The following SHANK2 variants were observed in gnomAD, a reference collection of about 807,000 sequenced individuals.
The protein encoded by SHANK2 is SH3 and multiple ankyrin repeat domains 2, also known as SH3 and multiple ankyrin repeat domains protein 2.
Under a neutral mutation model 133.7 loss-of-function variants are expected in SHANK2, and 43 were observed. The observed-to-expected ratio is 0.32, with a 90% confidence interval of 0.25 to 0.41. The LOEUF (loss-of-function observed/expected upper bound fraction) is 0.41, where lower values mean the gene tolerates loss of function less well. SHANK2 is among the 10% of genes least tolerant of loss of function. SHANK2 has a pLI of 1.00. For synonymous variants in SHANK2, 1,017 were observed against 952.8 expected (o/e 1.07, Z -1.24); for missense variants, 1,994 against 2,235.8 (o/e 0.89, Z 2.18).
chr11:70,903,855 TGC>T (rs1555077373), intron 10 of SHANK2, among the ~76,000 whole-genome samples: 1 of 152,148 alleles, frequency 6.6e-6, no homozygotes, highest in Non-Finnish European at 1.5e-5. Flanking sequence ...CTGGTGAAAA[TGC>T]CACCTGCACA....
intron 10 of SHANK2, among the ~76,000 whole-genome samples, chr11:70,913,602 C>A (rs1268479590): frequency 6.6e-6 from 1 of 152,156 alleles, no homozygotes; most frequent in Non-Finnish European, 1.5e-5. Flanking sequence ...TTTTTAAGAT[C>A]CTTGCAAATA....
At chr11:70,800,274 C>G (rs1555050215) in intron 13 of SHANK2, among the ~76,000 whole-genome samples, 1 of 152,218 alleles carries the variant, frequency 6.6e-6, no homozygotes, top group East Asian at 1.9e-4. Context: ...AATCACCTGC[C>G]TCCACCTCCC....
chr11:71,241,094 C>T (rs1204241044), intron 1 of SHANK2, among the ~76,000 whole-genome samples: 4 of 152,174 alleles, frequency 2.6e-5, no homozygotes, highest in African/African-American at 7.2e-5. Flanking sequence ...TTTGAGAACA[C>T]TGGTGAAAGC....
intron 14 of SHANK2, among the ~76,000 whole-genome samples, chr11:70,798,145 C>A (rs1555049567): frequency 6.6e-6 from 1 of 152,172 alleles, no homozygotes; most frequent in Non-Finnish European, 1.5e-5. Context: ...GAAATCTAAT[C>A]AACCCCCAAA....
At chr11:70,798,129 G>A (rs371790330) in intron 14 of SHANK2, among the ~76,000 whole-genome samples, 6 of 152,076 alleles carry the variant, frequency 3.9e-5, no homozygotes, top group Admixed American at 1.3e-4. Flanking sequence ...AGAAGAGATC[G>A]AAAAAGAAAT....
chr11:70,751,451 CA>C (rs1426502869), intron 14 of SHANK2, among the ~76,000 whole-genome samples: 3 of 152,126 alleles, frequency 2.0e-5, no homozygotes, highest in Non-Finnish European at 4.4e-5. Context: ...TAAATCAAGA[CA>C]TTTTTAGATG....
rs1555084680 is a variant in SHANK2, at chr11:70,943,092, G to T, written c.1108-46525C>A. 3 of 456,806 alleles carry T rather than the reference G, an allele frequency of 6.6e-6. No individual in the cohort carries two copies. The Admixed American group carries it at 7.0e-5, about 11-fold the overall frequency. 28.3% of individuals were successfully genotyped at this position (456,806 alleles called of 1,614,324 possible). ...AGAGGAAGCACTTCGGCTCTGAGGGGTGGGAAGGAGTTCACCTGGCAAAGG... is the reference window on the plus strand; with the variant it reads ...AGAGGAAGCACTTCGGCTCTGAGGGTTGGGAAGGAGTTCACCTGGCAAAGG... On this transcript the variant is annotated intron_variant, in intron 10 of 25. Coordinates refer to ENST00000601538, the MANE Select transcript of SHANK2 (RefSeq NM_012309.5).
At chr11:71,168,381 T>C (rs1953230773) in intron 2 of SHANK2, among the ~76,000 whole-genome samples, 1 of 121,684 alleles carries the variant, frequency 8.2e-6, no homozygotes, top group Admixed American at 8.1e-5. Flanking sequence ...TCCCAGACGA[T>C]GGGCGGCCGG....
At chr11:70,578,586 C>G (rs1282014589) in intron 17 of SHANK2, among the ~76,000 whole-genome samples, 1 of 152,196 alleles carries the variant, frequency 6.6e-6, no homozygotes, top group Non-Finnish European at 1.5e-5. Flanking sequence ...GTGGAGTAGA[C>G]AGCGTGTCCC....
At chr11:70,810,552 T>G (rs1948257258) in intron 12 of SHANK2, among the ~76,000 whole-genome samples, 1 of 152,230 alleles carries the variant, frequency 6.6e-6, no homozygotes, top group African/African-American at 2.4e-5. Flanking sequence ...TGCCCACATC[T>G]GCCCCGAGTG....
rs1321507597 is a variant in SHANK2 at position 71,188,230 on chromosome 11, T to A, written c.-13+36467A>T. On this transcript the variant is annotated intron_variant, in intron 2 of 25. Transcript: ENST00000601538. The surrounding 1 kb of genome is among the most constrained non-coding windows in gnomAD (Gnocchi z 4.6). ...CTCACATCCTGCTGAGACCTCCCCT[T>A]AGTATCCCCTGCTGGTGTCACTCTG... 6.6e-6 allele frequency among the ~76,000 whole-genome samples: 1 copy of A among 152,078 alleles called. No individual in the cohort carries two copies. Among genetic ancestry groups the A allele is most frequent in the Non-Finnish European group, 1.5e-5 (1 of 68,000 alleles).
At position 70,556,415 on chromosome 11, in the gene SHANK2, C is replaced by A. The variant is rs938460044; in HGVS notation, c.2062-53484G>T. Among the ~76,000 whole-genome samples the A allele has an allele frequency of 2.2e-5, 3 of 133,962 alleles. No individual in the cohort carries two copies. The East Asian group carries it at 6.6e-4, about 30-fold the overall frequency. The allele number at this position is 133,962 out of a possible 152,430, so 87.9% of individuals were successfully genotyped here. A position where few individuals can be genotyped will look rare whatever the true frequency, so the allele number is the denominator to read the frequency against. ...TCTTTCTCTCTCTCTCTCTCTCTCT[C>A]TCTCTCTAGCTTTCCTTTATTTTTT... On this transcript the variant is annotated intron_variant, in intron 17 of 25. Transcript: ENST00000601538.
At chr11:70,722,792 C>T (rs1478327378) in intron 14 of SHANK2, among the ~76,000 whole-genome samples, 2 of 152,130 alleles carry the variant, frequency 1.3e-5, no homozygotes, top group African/African-American at 2.4e-5. Flanking sequence ...GGTGACTTAA[C>T]CTGGAGACTT....
At chr11:70,637,312 G>A (rs546855376) in intron 17 of SHANK2, among the ~76,000 whole-genome samples, 4 of 152,280 alleles carry the variant, frequency 2.6e-5, no homozygotes, top group Non-Finnish European at 5.9e-5. Context: ...TCCCAAAAAG[G>A]CCCAGGCTGG....
chr11:70,944,218 G>A (rs1232663851), intron 10 of SHANK2, among the ~76,000 whole-genome samples: 1 of 152,234 alleles, frequency 6.6e-6, no homozygotes, highest in Non-Finnish European at 1.5e-5. Context: ...ATTCCTGTAA[G>A]GTGGAAACAC....
intron 11 of SHANK2, among the ~76,000 whole-genome samples, chr11:70,870,832 AGTG>A (rs1949447326): frequency 6.6e-6 from 1 of 152,166 alleles, no homozygotes; most frequent in South Asian, 2.1e-4. Context: ...GCTGGAGTGC[AGTG>A]GCACGATCTC....
rs781807117 is a variant in SHANK2 at position 71,100,866 on chromosome 11, CAA to C, written c.593-6180_593-6179del. Among the ~76,000 whole-genome samples, 764 of 99,840 alleles carry C rather than the reference CAA, an allele frequency of 7.7e-3. 7 individuals are homozygous for C. Among genetic ancestry groups the C allele is most frequent in the African/African-American group, 0.023 (615 of 26,990 alleles). The allele number at this position is 99,840 out of a possible 152,430, so 65.5% of individuals were successfully genotyped here. A position where few individuals can be genotyped will look rare whatever the true frequency, so the allele number is the denominator to read the frequency against. ...TGGGTGACACAGCAAGACTCCGTCT[CAA>C]AAAAAAAAAAAAAAAATCAGTGGTT... On this transcript the variant is annotated intron_variant, in intron 6 of 25. Transcript: ENST00000601538.
chr11:70,803,618 A>G (rs1168411293), intron 13 of SHANK2, among the ~76,000 whole-genome samples: 3 of 152,016 alleles, frequency 2.0e-5, no homozygotes, highest in Non-Finnish European at 4.4e-5. Context: ...AGATCTGCAC[A>G]TTTAACAAAC....
At chr11:71,144,489 T>C (rs1427711183) in intron 3 of SHANK2, among the ~76,000 whole-genome samples, 4 of 152,150 alleles carry the variant, frequency 2.6e-5, no homozygotes, top group Admixed American at 2.6e-4. Flanking sequence ...TACCTGAATG[T>C]CTGTATGGAT....
Sources: allele counts gnomAD v4.1 joint callset (sites outside exome capture counted in the v4.1 genomes callset), GRCh38; gene constraint gnomAD v4.1.1; non-coding constraint Gnocchi (gnomAD v3.1); transcripts MANE v1.5; gene names NCBI Gene and HGNC (gene_info 2026-07-23, HGNC 2026-07-21).